YWHAZ: variants seen among roughly 807,000 people sequenced by gnomAD.
YWHAZ encodes tyrosine 3-monooxygenase/tryptophan 5-monooxygenase activation protein zeta.
For synonymous variants in YWHAZ, 87 were observed against 103.6 expected, an observed-to-expected ratio of 0.84 and a Z score of 0.97; for missense variants, 79 against 284.8, an observed-to-expected ratio of 0.28 and a Z score of 5.20.
At chr8:100,951,544 C>A in intron 1 of YWHAZ, 1 of 985,472 alleles carries the variant, frequency 1.0e-6, no homozygotes, top group African/African-American at 1.7e-5. Flanking sequence ...GGTGGAAGCC[C>A]GCAGAGACAA....
chr8:100,953,371 G>T (rs1315611638), upstream of YWHAZ: 4 of 985,550 alleles, frequency 4.1e-6, no homozygotes, highest in Non-Finnish European at 4.8e-6. Flanking sequence ...CGGGACGGGA[G>T]CCCGGAAGAA....
At chr8:100,926,538 G>T (rs145568690) in intron 2 of YWHAZ, among the ~76,000 whole-genome samples, 1 of 152,312 alleles carries the variant, frequency 6.6e-6, no homozygotes, top group East Asian at 1.9e-4. Flanking sequence ...AGAACTGCTT[G>T]AGCCCGAGAG....
chr8:100,950,666 G>GT (rs1563693887), intron 1 of YWHAZ: 1 of 890,632 alleles, frequency 1.1e-6, no homozygotes, highest in African/African-American at 1.8e-5. Flanking sequence ...GTGGGGGGGG[G>GT]GGAGAGATGG....
chr8:100,948,573 A>T lies in YWHAZ; in HGVS notation c.294+23T>A. ...TCATAGGGACCCTACAGTATAATGA[A>T]GCCAGACTGAATTGATTCTCACCAG... is the stretch of plus-strand genomic sequence containing the variant. On this transcript the variant is annotated intron_variant, in intron 2 of 5. Transcript: ENST00000395958. The surrounding 1 kb of genome is among the most constrained non-coding windows in gnomAD (Gnocchi z 4.2). 1 of 1,607,302 alleles carries T rather than the reference A, an allele frequency of 6.2e-7. No homozygotes were observed. The highest frequency in any genetic ancestry group is 1.1e-5 in the South Asian group (1 of 90,634).
chr8:100,937,330 A>AT (rs1365753029), intron 2 of YWHAZ, among the ~76,000 whole-genome samples: 2 of 142,866 alleles, frequency 1.4e-5, no homozygotes, highest in African/African-American at 5.2e-5. Context: ...CTACTTTTGT[A>AT]TTTAACACAG....
intron 5 of YWHAZ, 62 bp downstream of exon 5, chr8:100,923,893 C>G: frequency 7.2e-7 from 1 of 1,385,530 alleles, no homozygotes; most frequent in Non-Finnish European, 9.7e-7. Context: ...AAAAAAATTC[C>G]CTAGAGTAAA....
chr8:100,917,332 ACCATAAGCCAGAGCTGCAGGAAAGC>A lies in YWHAZ; in HGVS notation c.*3336_*3360del. 6.6e-6 allele frequency: 1 copy of A among 152,182 alleles called. No homozygotes were observed. The highest frequency in any genetic ancestry group is 2.4e-5 in the African/African-American group (1 of 41,402). 9.4% of individuals were successfully genotyped at this position (152,182 alleles called of 1,614,324 possible). A position where few individuals can be genotyped will look rare whatever the true frequency, so the allele number is the denominator to read the frequency against. The stretch of plus-strand genomic sequence containing the variant: ...ACAGCTGTTAACTGGAAAAACAAAG[ACCATAAGCCAGAGCTGCAGGAAAGC>A]CCATCGTTTTTACTAATCACACTGC... On this transcript the variant is annotated 3_prime_UTR_variant, in exon 6 of 6. Transcript: ENST00000395958.
At chr8:100,944,382 G>C (rs559276813) in intron 2 of YWHAZ, among the ~76,000 whole-genome samples, 1 of 152,094 alleles carries the variant, frequency 6.6e-6, no homozygotes. Context: ...ATTGCCCTGA[G>C]CAAATAAAAA....
rs112549280 is a variant in YWHAZ, at chr8:100,924,658, G to C, written c.418+258C>G. ...ATTTTCAAAATATTTTTTGTAGAGAGAGATGTTGCTCAGGCTGGTCACTTT... is the reference window on the plus strand; with the variant it reads ...ATTTTCAAAATATTTTTTGTAGAGACAGATGTTGCTCAGGCTGGTCACTTT... On this transcript the variant is annotated intron_variant, in intron 3 of 5. Coordinates refer to ENST00000395958, the MANE Select transcript of YWHAZ (RefSeq NM_145690.3). This position sits in a 1 kb window ranked among gnomAD's most constrained non-coding sequence, Gnocchi z 5.7. Among the ~76,000 whole-genome samples, 793 of 152,280 alleles carry C rather than the reference G, an allele frequency of 5.2e-3. 9 individuals are homozygous for C. The highest frequency in any genetic ancestry group is 0.017 in the African/African-American group (723 of 41,558).
chr8:100,940,638 A>T (rs924145269), intron 2 of YWHAZ, among the ~76,000 whole-genome samples: 2 of 152,254 alleles, frequency 1.3e-5, no homozygotes, highest in African/African-American at 4.8e-5. Context: ...CAATAAAGTG[A>T]TATCACAGAG....
intron 2 of YWHAZ, among the ~76,000 whole-genome samples, chr8:100,941,417 CTT>C (rs1726243426): frequency 6.6e-6 from 1 of 152,140 alleles, no homozygotes; most frequent in African/African-American, 2.4e-5. Context: ...CAGTGGGTTC[CTT>C]GGTATAACGC....
chr8:100,918,423 T>TATATATATATATATATAC lies in YWHAZ; in HGVS notation c.*2269_*2270insGTATATATATATATATAT, dbSNP rs1812806235. The stretch of plus-strand genomic sequence containing the variant: ...TATAATTACTTTATATATATATATA[T>TATATATATATATATATAC]ATATATATATATATATATATAATTA... On this transcript the variant is annotated 3_prime_UTR_variant, in exon 6 of 6. Coordinates refer to ENST00000395958, the MANE Select transcript of YWHAZ (RefSeq NM_145690.3). The TATATATATATATATATAC allele has an allele frequency of 1.1e-5, 1 of 87,664 alleles. No individual in the cohort carries two copies. Among genetic ancestry groups the TATATATATATATATATAC allele is most frequent in the Non-Finnish European group, 2.4e-5 (1 of 41,498 alleles). The allele number at this position is 87,664 out of a possible 1,614,324, so 5.4% of individuals were successfully genotyped here.
At position 100,933,032 on chromosome 8, in the gene YWHAZ, A is replaced by G. The variant is rs148877850; in HGVS notation, c.295-7993T>C. ...ACCAGTGCTAAATGTCAACAAAGTG[A>G]TAAGAATCAGTATTAACAGTATTTG... On this transcript the variant is annotated intron_variant, in intron 2 of 5. Coordinates refer to ENST00000395958, the MANE Select transcript of YWHAZ (RefSeq NM_145690.3). Among the ~76,000 whole-genome samples the G allele has an allele frequency of 8.1e-4, 123 of 152,302 alleles. No homozygotes were observed. The East Asian group carries it at 8.9e-3, about 11-fold the overall frequency.
Position 100,918,964 on chromosome 8 carries a change from G to A in YWHAZ, c.*1729C>T, listed in dbSNP as rs1180347757. On this transcript the variant is annotated 3_prime_UTR_variant, in exon 6 of 6. Coordinates refer to ENST00000395958, the MANE Select transcript of YWHAZ (RefSeq NM_145690.3). ...GAATAGAGGAGGAAGAAAGAGGAAG[G>A]ATTTTAAAGGCAGACAATGACAGAC... The A allele has an allele frequency of 6.6e-6, 1 of 152,542 alleles. No individual in the cohort carries two copies. The highest frequency in any genetic ancestry group is 1.5e-5 in the Non-Finnish European group (1 of 68,060). The allele number at this position is 152,542 out of a possible 1,614,324, so 9.4% of individuals were successfully genotyped here. A position where few individuals can be genotyped will look rare whatever the true frequency, so the allele number is the denominator to read the frequency against.
At chr8:100,937,441 A>C (rs1397961891) in intron 2 of YWHAZ, among the ~76,000 whole-genome samples, 1 of 152,214 alleles carries the variant, frequency 6.6e-6, no homozygotes, top group Admixed American at 6.5e-5. Flanking sequence ...ACTGGTCCTA[A>C]TATTAAATTT....
rs57486163 is a variant in YWHAZ, at chr8:100,918,444, A to ATATATATATATAT, written c.*2248_*2249insATATATATATATA. On this transcript the variant is annotated 3_prime_UTR_variant, in exon 6 of 6. Transcript: ENST00000395958. ...TATATATATATATATATATATATAT[A>ATATATATATATAT]ATTATTTTACCTCCTTGGCTTGGGG... 212 of 108,690 alleles carry ATATATATATATAT rather than the reference A, an allele frequency of 2.0e-3. No homozygotes were observed. Among genetic ancestry groups the ATATATATATATAT allele is most frequent in the South Asian group, 3.6e-3 (11 of 3,090 alleles). 6.7% of individuals were successfully genotyped at this position (108,690 alleles called of 1,614,324 possible). A position where few individuals can be genotyped will look rare whatever the true frequency, so the allele number is the denominator to read the frequency against.
At chr8:100,929,876 T>C (rs752718897) in intron 2 of YWHAZ, among the ~76,000 whole-genome samples, 1 of 151,846 alleles carries the variant, frequency 6.6e-6, no homozygotes, top group Non-Finnish European at 1.5e-5. Flanking sequence ...GAAAAAAACA[T>C]GGAGGTGCAC....
Position 100,923,653 on chromosome 8 carries a change from A to C in YWHAZ, c.678+302T>G, listed in dbSNP as rs528369841. On this transcript the variant is annotated intron_variant, in intron 5 of 5. Coordinates refer to ENST00000395958, the MANE Select transcript of YWHAZ (RefSeq NM_145690.3). Reference sequence around the variant, plus strand: ...CCAATATGGAGGCAACTTGATGGGCAAGAAAATCATTCTTAAAGGAACTAA... The same window carrying C: ...CCAATATGGAGGCAACTTGATGGGCCAGAAAATCATTCTTAAAGGAACTAA... 2.7e-4 allele frequency: 55 copies of C among 202,064 alleles called. No homozygotes were observed. In the South Asian group the frequency reaches 8.6e-3, roughly 32 times the overall value. The allele number at this position is 202,064 out of a possible 1,614,324, so 12.5% of individuals were successfully genotyped here.
chr8:100,939,730 T>C (rs1195403141), intron 2 of YWHAZ, among the ~76,000 whole-genome samples: 1 of 151,080 alleles, frequency 6.6e-6, no homozygotes, highest in African/African-American at 2.4e-5. Flanking sequence ...AGATTAAAAG[T>C]GAAATACTAG....
Sources: allele counts gnomAD v4.1 joint callset (sites outside exome capture counted in the v4.1 genomes callset), GRCh38; gene constraint gnomAD v4.1.1; non-coding constraint Gnocchi (gnomAD v3.1); transcripts MANE v1.5; gene names NCBI Gene and HGNC (gene_info 2026-07-23, HGNC 2026-07-21).